Variants in TANK observed in about 807,000 individuals in gnomAD.
TANK encodes TRAF family member-associated NF-kappa-B activator.
In TANK, 15 loss-of-function variants were observed where a neutral mutation model predicts 43.6. The observed-to-expected ratio is 0.34, with a 90% confidence interval of 0.23 to 0.53. The LOEUF is 0.53. Ranked by LOEUF, TANK falls within the 20% of genes least tolerant of loss-of-function variation. The probability of loss-of-function intolerance (pLI) is 0.94; values close to 1 mark genes in which losing one functional copy is unlikely to be tolerated. For synonymous variants in TANK, 162 were observed against 178.2 expected, an observed-to-expected ratio of 0.91 and a Z score of 0.73; for missense variants, 417 against 498.6, an observed-to-expected ratio of 0.84 and a Z score of 1.56.
intron 2 of TANK, among the ~76,000 whole-genome samples, chr2:161,181,596 G>T (rs867359438): frequency 3.2e-4 from 49 of 152,102 alleles, no homozygotes; most frequent in Admixed American, 9.8e-4. Flanking sequence ...TTCAAAGGTG[G>T]CAGGAGAGAG....
At chr2:161,185,015 GGAA>G (rs752779884) in intron 2 of TANK, among the ~76,000 whole-genome samples, 3 of 152,104 alleles carry the variant, frequency 2.0e-5, no homozygotes, top group Admixed American at 6.6e-5. Flanking sequence ...GAGAAGGAAG[GGAA>G]GAAGATCAGT....
chr2:161,188,906 C>A (rs1685789529), intron 2 of TANK, among the ~76,000 whole-genome samples: 1 of 152,186 alleles, frequency 6.6e-6, no homozygotes. Flanking sequence ...GTCAGTTTGG[C>A]TGCTGCTGCC....
At chr2:161,140,982 G>T (rs1683730860) in intron 1 of TANK, among the ~76,000 whole-genome samples, 1 of 152,006 alleles carries the variant, frequency 6.6e-6, no homozygotes, top group Admixed American at 6.6e-5. Context: ...AACAATTTAT[G>T]AACCAATATG....
chr2:161,207,552 A>C, intron 4 of TANK: 1 of 984,098 alleles, frequency 1.0e-6, no homozygotes, highest in Non-Finnish European at 1.2e-6. Context: ...TATATTGTAA[A>C]AGAATGGATA....
At chr2:161,200,196 A>C (rs957766834) in intron 2 of TANK, 15 of 188,364 alleles carry the variant, frequency 8.0e-5, no homozygotes, top group Non-Finnish European at 1.5e-4. Flanking sequence ...CTCTGTACAG[A>C]AGTGTTGACA....
At chr2:161,189,919 A>T (rs552591088) in intron 2 of TANK, among the ~76,000 whole-genome samples, 1 of 152,292 alleles carries the variant, frequency 6.6e-6, no homozygotes, top group East Asian at 1.9e-4. Flanking sequence ...ATGACATTGG[A>T]TTTGGCAGTG....
At chr2:161,216,359 C>T (rs530235731) in intron 4 of TANK, 2 of 464,340 alleles carry the variant, frequency 4.3e-6, no homozygotes, top group South Asian at 1.6e-5. Flanking sequence ...AACATTCTCT[C>T]CTGCTTTCTC....
rs2229759 is a variant in TANK at position 161,231,523 on chromosome 2, C to T, written c.1073C>T (p.Pro358Leu). The change falls in exon 7 of 8, where the codon CCG (proline) becomes CTG (leucine). Residue 358 changes from proline (P) to leucine (L), a missense_variant. Pro to Leu is a moderately conservative substitution (Grantham distance 98, BLOSUM62 -3). Coordinates refer to ENST00000392749, the MANE Select transcript of TANK (RefSeq NM_001199135.3). ...GCACCTTTTCCCTCACTCGATTCCCCGGGAAAAGCAATCCGAGGACCACAG... is the reference window on the plus strand; with the variant it reads ...GCACCTTTTCCCTCACTCGATTCCCTGGGAAAAGCAATCCGAGGACCACAG... ...SDAPFPSLDS[P>L]GKAIRGPQQP... 3.4e-3 allele frequency: 5,432 copies of T among 1,612,588 alleles called. 143 individuals carry two copies. The African/African-American group carries it at 0.059, about 17-fold the overall frequency.
chr2:161,179,992 G>A (rs991488992), intron 2 of TANK: 12 of 1,197,614 alleles, frequency 1.0e-5, no homozygotes, highest in Middle Eastern at 3.2e-4. Flanking sequence ...AGGTGATTGT[G>A]AAAGATTGTG....
Position 161,174,738 on chromosome 2 carries a change from C to T in TANK, c.-49-4876C>T, listed in dbSNP as rs114529611. Among the ~76,000 whole-genome samples the T allele has an allele frequency of 2.6e-5, 4 of 152,108 alleles. No homozygotes were observed. In the South Asian group the frequency reaches 8.3e-4, roughly 31 times the overall value. ...TTGCTTTCAGGCATCATGGGGAAAGCTTTAGCGTAATCCGTCATGTTTATA... is the reference window on the plus strand; with the variant it reads ...TTGCTTTCAGGCATCATGGGGAAAGTTTTAGCGTAATCCGTCATGTTTATA... On this transcript the variant is annotated intron_variant, in intron 1 of 7. Coordinates refer to ENST00000392749, the MANE Select transcript of TANK (RefSeq NM_001199135.3).
chr2:161,195,673 A>C (rs554028259), intron 2 of TANK, among the ~76,000 whole-genome samples: 1 of 152,164 alleles, frequency 6.6e-6, no homozygotes, highest in Non-Finnish European at 1.5e-5. Context: ...ATGGAGTAAT[A>C]TGATTACATG....
At chr2:161,154,105 C>T (rs986605297) in intron 1 of TANK, among the ~76,000 whole-genome samples, 2 of 152,106 alleles carry the variant, frequency 1.3e-5, no homozygotes, top group African/African-American at 4.8e-5. Flanking sequence ...AAGCATAATG[C>T]ATGTCATAAA....
At chr2:161,156,323 G>C, upstream of TANK, 1 of 985,358 alleles carries the variant, frequency 1.0e-6, no homozygotes. Context: ...TTTTGCCATT[G>C]CATGTTGTTC....
At chr2:161,156,504 T>C (rs1042120674), upstream of TANK, 1 of 428,632 alleles carries the variant, frequency 2.3e-6, no homozygotes, top group African/African-American at 2.2e-5. Context: ...TTTTCCAAAG[T>C]ATTCACTTTC....
chr2:161,145,936 C>A (rs1280731969), intron 1 of TANK, among the ~76,000 whole-genome samples: 1 of 150,464 alleles, frequency 6.6e-6, no homozygotes, highest in East Asian at 1.9e-4. Context: ...TGGTTCCATT[C>A]TCCCTGTCTT....
chr2:161,161,249 C>T, intron 1 of TANK: 1 of 1,548,550 alleles, frequency 6.5e-7, no homozygotes, highest in South Asian at 1.2e-5. Context: ...GTAAAGCAGC[C>T]TTGCTATGTA....
rs372430219 is a variant in TANK, at chr2:161,235,509, A to G, written c.1269A>G (p.Gly423=). 1.1e-5 allele frequency: 18 copies of G among 1,612,606 alleles called. No homozygotes were observed. Among genetic ancestry groups the G allele is most frequent in the Non-Finnish European group, 1.4e-5 (17 of 1,179,368 alleles). ...GGCATCTTAATTCACACTTCAATGG[A>G]GAGACTTAAGACACATTTGAAAACA... ...FLRHLNSHFN[G]ET Residue 423 remains glycine, a synonymous_variant, in exon 8 of 8, where the codon GGA becomes GGG. Coordinates refer to ENST00000392749, the MANE Select transcript of TANK (RefSeq NM_001199135.3).
intron 1 of TANK, among the ~76,000 whole-genome samples, chr2:161,142,606 C>T (rs534648615): frequency 6.6e-6 from 1 of 151,940 alleles, no homozygotes; most frequent in South Asian, 2.1e-4. Flanking sequence ...TGTTTTTGTC[C>T]CATTTGTCAA....
At chr2:161,181,445 A>C (rs549898602) in intron 2 of TANK, among the ~76,000 whole-genome samples, 1 of 152,142 alleles carries the variant, frequency 6.6e-6, no homozygotes, top group African/African-American at 2.4e-5. Flanking sequence ...ACAACAAAAA[A>C]AAACTACCTG....
Sources: allele counts gnomAD v4.1 joint callset (sites outside exome capture counted in the v4.1 genomes callset), GRCh38; gene constraint gnomAD v4.1.1; transcripts MANE v1.5; gene names NCBI Gene and HGNC (gene_info 2026-07-23, HGNC 2026-07-21).